The following NXPH2 variants were observed in gnomAD, a reference collection of about 807,000 sequenced individuals.
NXPH2 encodes neurexophilin 2, also known as neurexophilin-2.
Under a neutral mutation model 19.8 loss-of-function variants are expected in NXPH2, and 5 were observed. The observed-to-expected ratio is 0.25, with a 90% CI of 0.13 to 0.53. The LOEUF (loss-of-function observed/expected upper bound fraction) is 0.53, where lower values mean the gene tolerates loss of function less well. Among genes scored for constraint, NXPH2 ranks in the 20% least tolerant of loss-of-function variants. The pLI, the probability that NXPH2 is intolerant of heterozygous loss-of-function variation, is 0.96. For synonymous variants in NXPH2, 154 were observed against 127.4 expected, an observed-to-expected ratio of 1.21 and a Z score of -1.41; for missense variants, 289 against 322.8, an observed-to-expected ratio of 0.90 and a Z score of 0.80.
rs1446910984 is a variant in NXPH2, at chr2:138,731,422, C to A, written c.51+48769G>T. 2.0e-5 allele frequency among the ~76,000 whole-genome samples: 3 copies of A among 152,024 alleles called. No individual in the cohort carries two copies. The East Asian group carries it at 5.8e-4, about 29-fold the overall frequency. On this transcript the variant is annotated intron_variant, in intron 1 of 1. Transcript: ENST00000272641. The stretch of plus-strand genomic sequence containing the variant: ...CAATGCAGTGATGACCCAGGAAACC[C>A]AAATGTATAAATAGATCCTCTAGAG...
intron 1 of NXPH2, among the ~76,000 whole-genome samples, chr2:138,756,856 G>A (rs1681917557): frequency 6.6e-6 from 1 of 152,126 alleles, no homozygotes; most frequent in South Asian, 2.1e-4. Context: ...TTAAATTATA[G>A]CCTTAATTTT....
At chr2:138,701,239 G>A (rs190610571) in intron 1 of NXPH2, among the ~76,000 whole-genome samples, 2 of 152,144 alleles carry the variant, frequency 1.3e-5, no homozygotes, top group East Asian at 3.9e-4. Flanking sequence ...TACGATAAAG[G>A]TCAAGAATAT....
chr2:138,692,544 A>T lies in NXPH2; in HGVS notation c.52-20879T>A, dbSNP rs577243215. Among the ~76,000 whole-genome samples the T allele has an allele frequency of 1.2e-3, 185 of 152,264 alleles. 1 individual carries two copies. Among genetic ancestry groups the T allele is most frequent in the Non-Finnish European group, 1.5e-3 (104 of 68,014 alleles). ...GAGAATTCTTGAAGATTAATCCTAAATGTCCGCTGAAGATGAAAATGATGG... is the reference window on the plus strand; with the variant it reads ...GAGAATTCTTGAAGATTAATCCTAATTGTCCGCTGAAGATGAAAATGATGG... On this transcript the variant is annotated intron_variant, in intron 1 of 1. Coordinates refer to ENST00000272641, the MANE Select transcript of NXPH2 (RefSeq NM_007226.3).
chr2:138,708,067 T>C (rs1211328982), intron 1 of NXPH2, among the ~76,000 whole-genome samples: 4 of 152,222 alleles, frequency 2.6e-5, no homozygotes, highest in Admixed American at 1.3e-4. Flanking sequence ...TCTCCTCTTA[T>C]AGAGCCTCAT....
intron 1 of NXPH2, among the ~76,000 whole-genome samples, chr2:138,755,581 C>T (rs983722452): frequency 6.6e-6 from 1 of 152,014 alleles, no homozygotes; most frequent in Admixed American, 6.6e-5. Context: ...AATACTACAG[C>T]CTAATAGTAA....
chr2:138,687,792 G>A (rs989412834), intron 1 of NXPH2, among the ~76,000 whole-genome samples: 1 of 152,206 alleles, frequency 6.6e-6, no homozygotes, highest in South Asian at 2.1e-4. Flanking sequence ...TTATTAAATA[G>A]GGAATCCTTT....
intron 1 of NXPH2, among the ~76,000 whole-genome samples, chr2:138,762,602 A>G (rs1479833276): frequency 6.6e-6 from 1 of 152,226 alleles, no homozygotes; most frequent in Non-Finnish European, 1.5e-5. Flanking sequence ...AGAAGGGTTT[A>G]TTACACCCTA....
chr2:138,722,469 G>A (rs1023808269), intron 1 of NXPH2, among the ~76,000 whole-genome samples: 5 of 152,310 alleles, frequency 3.3e-5, no homozygotes, highest in South Asian at 2.1e-4. Context: ...ATGGGCAAGC[G>A]TCCAGGCCAG....
chr2:138,671,335 G>C lies in NXPH2; in HGVS notation c.382C>G (p.Leu128Val), dbSNP rs1680410824. ...TCAACAATTTTCCCTGTGATGAGGA[G>C]ATTGAGTTTGACAGTTTTAATGTTG... ...HSNIKTVKLNLLITGKIVDHG... is the reference protein window; with the variant it reads ...HSNIKTVKLNVLITGKIVDHG... The change falls in exon 2 of 2, where the codon CTC becomes GTC. Residue 128 changes from leucine (L) to valine (V), a missense_variant. Coordinates refer to ENST00000272641, the MANE Select transcript of NXPH2 (RefSeq NM_007226.3). 1.2e-6 allele frequency: 2 copies of C among 1,613,680 alleles called. No homozygotes were observed. The highest frequency in any genetic ancestry group is 1.7e-5 in the Admixed American group (1 of 59,992).
At chr2:138,754,259 A>C (rs775518130) in intron 1 of NXPH2, among the ~76,000 whole-genome samples, 20 of 152,226 alleles carry the variant, frequency 1.3e-4, no homozygotes, top group Non-Finnish European at 2.4e-4. Context: ...TAACAAATGC[A>C]TAGCATCACA....
At chr2:138,686,246 T>C (rs1168178734) in intron 1 of NXPH2, among the ~76,000 whole-genome samples, 1 of 152,172 alleles carries the variant, frequency 6.6e-6, no homozygotes, top group Non-Finnish European at 1.5e-5. Context: ...GGTGATCTCC[T>C]AGTGGGGTCT....
intron 1 of NXPH2, among the ~76,000 whole-genome samples, chr2:138,719,420 C>T (rs1266845151): frequency 6.6e-6 from 1 of 152,100 alleles, no homozygotes; most frequent in Non-Finnish European, 1.5e-5. Flanking sequence ...TTTCAAGCTT[C>T]TGAATTGTTT....
chr2:138,735,813 T>C (rs1466232076), intron 1 of NXPH2, among the ~76,000 whole-genome samples: 2 of 152,180 alleles, frequency 1.3e-5, no homozygotes, highest in South Asian at 2.1e-4. Context: ...ACTTCCTAGA[T>C]ACAATGGGGG....
Position 138,774,004 on chromosome 2 carries a change from G to A in NXPH2, c.51+6187C>T, listed in dbSNP as rs140783710. Among the ~76,000 whole-genome samples the A allele has an allele frequency of 4.7e-3, 719 of 152,262 alleles. 6 individuals are homozygous for A. Among genetic ancestry groups the A allele is most frequent in the African/African-American group, 0.016 (681 of 41,538 alleles). ...TTTTAAAATTTTGTAACATTTACAT[G>A]TGAACTCCTGAAACCATTGCAGTTA... On this transcript the variant is annotated intron_variant, in intron 1 of 1. Transcript: ENST00000272641.
At chr2:138,740,120 G>A (rs2105005578) in intron 1 of NXPH2, among the ~76,000 whole-genome samples, 1 of 152,264 alleles carries the variant, frequency 6.6e-6, no homozygotes, top group Non-Finnish European at 1.5e-5. Flanking sequence ...AGATCACACT[G>A]GAACATTAGG....
chr2:138,736,642 G>C (rs1681543440), intron 1 of NXPH2, among the ~76,000 whole-genome samples: 1 of 152,162 alleles, frequency 6.6e-6, no homozygotes, highest in South Asian at 2.1e-4. Flanking sequence ...ATTAACATTT[G>C]GCTCCAGGTT....
At chr2:138,682,477 A>C (rs146183878) in intron 1 of NXPH2, among the ~76,000 whole-genome samples, 9 of 152,322 alleles carry the variant, frequency 5.9e-5, no homozygotes, top group African/African-American at 2.2e-4. Context: ...AGAATCAAAC[A>C]TATATCAATG....
At chr2:138,733,154 G>T (rs112841311) in intron 1 of NXPH2, among the ~76,000 whole-genome samples, 450 of 152,260 alleles carry the variant, frequency 3.0e-3, no homozygotes, top group African/African-American at 0.01. Context: ...TATCTACACA[G>T]TCTATAATGA....
intron 1 of NXPH2, among the ~76,000 whole-genome samples, chr2:138,739,250 C>T (rs1681607116): frequency 6.6e-6 from 1 of 152,092 alleles, no homozygotes; most frequent in Non-Finnish European, 1.5e-5. Context: ...GACTAATACA[C>T]TAGGAGGCTC....
Sources: gnomAD v4.1 joint callset for allele counts (sites outside exome capture counted in the v4.1 genomes callset) on GRCh38, gnomAD v4.1.1 for gene constraint, MANE v1.5 for transcripts, NCBI Gene and HGNC (gene_info 2026-07-23, HGNC 2026-07-21) for gene names.